NCKAP5: variants seen among roughly 807,000 people sequenced by gnomAD.
NCKAP5 encodes nck-associated protein 5.
Under a neutral mutation model 167.0 loss-of-function variants are expected in NCKAP5, and 92 were observed. The observed-to-expected ratio is 0.55, with a 90% CI of 0.47 to 0.66. The LOEUF is 0.66. Among genes scored for constraint, NCKAP5 ranks in the 30% least tolerant of loss-of-function variants. The pLI, the probability that NCKAP5 is intolerant of heterozygous loss-of-function variation, is 0.00. For synonymous variants in NCKAP5, 891 were observed against 877.4 expected (o/e 1.02, Z -0.27); for missense variants, 2,378 against 2,315.0 (o/e 1.03, Z -0.56).
At chr2:133,166,987 A>C (rs563159094) in intron 5 of NCKAP5, among the ~76,000 whole-genome samples, 6 of 152,334 alleles carry the variant, frequency 3.9e-5, no homozygotes, top group African/African-American at 1.4e-4. Flanking sequence ...AACTTGAATC[A>C]TAAGCAAATT....
At chr2:133,448,842 G>A (rs937302944) in intron 3 of NCKAP5, among the ~76,000 whole-genome samples, 9 of 152,028 alleles carry the variant, frequency 5.9e-5, no homozygotes, top group African/African-American at 2.2e-4. Context: ...GTCTCACCAT[G>A]TTGCCCAGGC....
rs1418211187 is a variant in NCKAP5, at chr2:133,062,355, T to C, written c.341+67623A>G. Among the ~76,000 whole-genome samples the C allele has an allele frequency of 3.3e-5, 5 of 152,218 alleles. No individual in the cohort carries two copies. The East Asian group carries it at 9.6e-4, about 29-fold the overall frequency. On this transcript the variant is annotated intron_variant, in intron 6 of 19. Coordinates refer to ENST00000409261, the MANE Select transcript of NCKAP5 (RefSeq NM_207363.3). ...TAGATAAGAGATGAAGCAACACTCT[T>C]TGGCGACATATGGTGAGTCATTTAA...
chr2:133,147,248 C>T (rs1329544069), intron 5 of NCKAP5, among the ~76,000 whole-genome samples: 2 of 152,092 alleles, frequency 1.3e-5, no homozygotes, highest in African/African-American at 2.4e-5. Flanking sequence ...ACAGGGTGCT[C>T]CTCTATGCAC....
At chr2:132,878,777 C>G in intron 9 of NCKAP5, 71 bp downstream of exon 9, 1 of 1,122,306 alleles carries the variant, frequency 8.9e-7, no homozygotes. Context: ...AGCACACACA[C>G]ATTTTGAGAT....
intron 16 of NCKAP5, among the ~76,000 whole-genome samples, chr2:132,746,166 T>C (rs981563276): frequency 6.6e-6 from 1 of 152,068 alleles, no homozygotes; most frequent in African/African-American, 2.4e-5. Flanking sequence ...TTTATAAGGC[T>C]ACGTTCATTA....
chr2:132,673,065 T>C lies in NCKAP5; in HGVS notation c.*224A>G. ...CCTTGACTGGCACAGGAAGAGAAGC[T>C]ATCATATAAAGAATCACTCAAAGAT... On this transcript the variant is annotated 3_prime_UTR_variant, in exon 20 of 20. Coordinates refer to ENST00000409261, the MANE Select transcript of NCKAP5 (RefSeq NM_207363.3). 8.8e-6 allele frequency: 10 copies of C among 1,134,582 alleles called. No homozygotes were observed. The highest frequency in any genetic ancestry group is 1.1e-5 in the Non-Finnish European group (10 of 928,636). The allele number at this position is 1,134,582 out of a possible 1,614,324, so 70.3% of individuals were successfully genotyped here.
At chr2:133,021,027 C>T (rs1025581652) in intron 6 of NCKAP5, among the ~76,000 whole-genome samples, 14 of 152,218 alleles carry the variant, frequency 9.2e-5, no homozygotes, top group Non-Finnish European at 1.0e-4. Context: ...GGAACACACA[C>T]TAACCCTCCA....
intron 4 of NCKAP5, among the ~76,000 whole-genome samples, chr2:133,235,002 C>T (rs2087332348): frequency 6.7e-6 from 1 of 149,368 alleles, no homozygotes; most frequent in South Asian, 2.1e-4. Context: ...TGAGGGACCC[C>T]ATCCAACTCA....
intron 16 of NCKAP5, among the ~76,000 whole-genome samples, chr2:132,740,297 G>A (rs1234074472): frequency 6.6e-6 from 1 of 152,136 alleles, no homozygotes; most frequent in Non-Finnish European, 1.5e-5. Flanking sequence ...TATAATGCAA[G>A]TGGTCATGTA....
chr2:133,146,453 AC>A (rs1485967279), intron 5 of NCKAP5, among the ~76,000 whole-genome samples: 2 of 152,108 alleles, frequency 1.3e-5, no homozygotes, highest in African/African-American at 2.4e-5. Flanking sequence ...ATGCTGTTGT[AC>A]TTTTAGACCC....
At chr2:133,188,258 T>C (rs1340031796) in intron 5 of NCKAP5, among the ~76,000 whole-genome samples, 2 of 152,010 alleles carry the variant, frequency 1.3e-5, no homozygotes, top group Admixed American at 6.6e-5. Context: ...ATGCATCCAA[T>C]ACAAGAGCAC....
At chr2:132,812,275 C>A (rs1014842757) in intron 11 of NCKAP5, among the ~76,000 whole-genome samples, 1 of 152,188 alleles carries the variant, frequency 6.6e-6, no homozygotes, top group Non-Finnish European at 1.5e-5. Flanking sequence ...TCTAGTCCTG[C>A]CTCCGGTCCT....
In NCKAP5 at chr2:133,222,208, A is replaced by T. The variant is rs1037400860; in HGVS notation, c.144-8429T>A. Among the ~76,000 whole-genome samples, 3 of 152,144 alleles carry T rather than the reference A, an allele frequency of 2.0e-5. No individual in the cohort carries two copies. In the East Asian group the frequency reaches 5.8e-4, roughly 29 times the overall value. On this transcript the variant is annotated intron_variant, in intron 4 of 19. Transcript: ENST00000409261. ...CAAAGAGCTTTTGTTTTTGTCAGTT[A>T]TGTCTATTGATACTTACCATCTCCA...
intron 3 of NCKAP5, among the ~76,000 whole-genome samples, chr2:133,479,142 T>A (rs1192727720): frequency 6.6e-6 from 1 of 152,190 alleles, no homozygotes. Flanking sequence ...AATCAGCAAG[T>A]GTTCTTCAGC....
rs547508934 is a variant in NCKAP5, at chr2:132,693,551, C to A, written c.5714-20246G>T. Reference sequence around the variant, plus strand: ...AGCTAGGAATGCAAGCAGGGCCCTGCCGACACCTGGATTTCAGACGTCTAG... The same window carrying A: ...AGCTAGGAATGCAAGCAGGGCCCTGACGACACCTGGATTTCAGACGTCTAG... On this transcript the variant is annotated intron_variant, in intron 19 of 19. Coordinates refer to ENST00000409261, the MANE Select transcript of NCKAP5 (RefSeq NM_207363.3). 1.3e-4 allele frequency among the ~76,000 whole-genome samples: 20 copies of A among 150,960 alleles called. No individual in the cohort carries two copies. In the South Asian group the frequency reaches 4.2e-3, roughly 32 times the overall value.
At chr2:133,505,555 C>G (rs1682930311) in intron 3 of NCKAP5, among the ~76,000 whole-genome samples, 1 of 152,194 alleles carries the variant, frequency 6.6e-6, no homozygotes, top group East Asian at 1.9e-4. Flanking sequence ...GAGTCCTTTC[C>G]CTAAATTCAC....
chr2:133,143,558 C>T, intron 5 of NCKAP5, among the ~76,000 whole-genome samples: 1 of 152,108 alleles, frequency 6.6e-6, no homozygotes, highest in East Asian at 1.9e-4. Flanking sequence ...AGCAGCCCTA[C>T]TGATGATACG....
chr2:132,830,964 T>A (rs1469598786), intron 11 of NCKAP5, among the ~76,000 whole-genome samples: 1 of 152,214 alleles, frequency 6.6e-6, no homozygotes, highest in Non-Finnish European at 1.5e-5. Context: ...TGTTTATATT[T>A]GATGTGGATC....
chr2:132,982,820 T>G (rs12472644), intron 7 of NCKAP5, among the ~76,000 whole-genome samples: 2 of 152,094 alleles, frequency 1.3e-5, no homozygotes. Flanking sequence ...TCCAACTGCA[T>G]CCATGTTGCT....
Sources: allele counts gnomAD v4.1 joint callset (sites outside exome capture counted in the v4.1 genomes callset), GRCh38; gene constraint gnomAD v4.1.1; transcripts MANE v1.5; gene names NCBI Gene and HGNC (gene_info 2026-07-23, HGNC 2026-07-21).